METAP1D: variants seen among roughly 807,000 people sequenced by gnomAD.
METAP1D encodes the protein methionine aminopeptidase 1D, mitochondrial.
A neutral mutation model predicts 40.5 loss-of-function variants in METAP1D; 31 were observed. The observed-to-expected ratio is 0.77, with a 90% CI of 0.58 to 1.03. The LOEUF is 1.03. Among genes scored for constraint, METAP1D ranks in the 50% least tolerant of loss-of-function variants. METAP1D has a pLI of 0.00. For synonymous variants in METAP1D, 151 were observed against 146.4 expected, an observed-to-expected ratio of 1.03 and a Z score of -0.22; for missense variants, 411 against 420.7, an observed-to-expected ratio of 0.98 and a Z score of 0.20.
Position 172,080,329 on chromosome 2 carries a change from T to C in METAP1D, c.931T>C (p.Ser311Pro). 6.2e-7 allele frequency: 1 copy of C among 1,614,018 alleles called. No homozygotes were observed. Among genetic ancestry groups the C allele is most frequent in the Non-Finnish European group, 8.5e-7 (1 of 1,179,922 alleles). The change falls in exon 10 of 10, where the codon TCG becomes CCG. Residue 311 changes from serine (S) to proline (P), a missense_variant and splice_region_variant. Ser to Pro is a moderately conservative substitution (Grantham distance 74, BLOSUM62 -1). Transcript: ENST00000315796. ...TGACGGCTGGGTGCTGTGTTACAGG[T>C]CGGCGCAGTTCGAGCACACGGTTCT... is the stretch of plus-strand genomic sequence containing the variant. ...WTVVSLDNQR[S>P]AQFEHTVLIT...
intron 1 of METAP1D, among the ~76,000 whole-genome samples, chr2:172,019,390 A>G (rs1366603287): frequency 6.6e-6 from 1 of 152,110 alleles, no homozygotes; most frequent in Non-Finnish European, 1.5e-5. Context: ...AAATTTTCCA[A>G]CCGCAAAACA....
At position 172,071,024 on chromosome 2, in the gene METAP1D, G is replaced by C. The variant is rs1288283327; in HGVS notation, c.658G>C (p.Ala220Pro). 8 of 1,612,770 alleles carry C rather than the reference G, an allele frequency of 5.0e-6. No homozygotes were observed. Among genetic ancestry groups the C allele is most frequent in the Non-Finnish European group, 6.8e-6 (8 of 1,179,220 alleles). Reference protein sequence around the residue: ...ARRCRDEAIAACRAGAPFSVI... With the variant: ...ARRCRDEAIAPCRAGAPFSVI... Reference sequence around the variant, plus strand: ...GAGGTGTAGAGATGAAGCAATTGCAGCTTGCAGAGCAGGGGCTCCCTTCTC... The same window carrying C: ...GAGGTGTAGAGATGAAGCAATTGCACCTTGCAGAGCAGGGGCTCCCTTCTC... Residue 220 changes from alanine (A) to proline (P), a missense_variant, in exon 6 of 10, where the codon GCT (alanine) becomes CCT (proline). By Grantham distance (27) the Ala-to-Pro change is conservative. Transcript: ENST00000315796.
At chr2:172,038,399 CATT>C (rs1689442765) in intron 1 of METAP1D, among the ~76,000 whole-genome samples, 2 of 151,760 alleles carry the variant, frequency 1.3e-5, no homozygotes, top group African/African-American at 4.8e-5. Context: ...TAGCTTAGAT[CATT>C]GACTACCTGA....
intron 1 of METAP1D, among the ~76,000 whole-genome samples, chr2:172,053,707 TGTC>T (rs1689937558): frequency 6.6e-6 from 1 of 152,192 alleles, no homozygotes; most frequent in South Asian, 2.1e-4. Flanking sequence ...TTTTACAGGG[TGTC>T]TTTTAAATCA....
intron 5 of METAP1D, among the ~76,000 whole-genome samples, chr2:172,067,941 T>C (rs1029735153): frequency 6.6e-6 from 1 of 152,260 alleles, no homozygotes; most frequent in African/African-American, 2.4e-5. Context: ...CCTATGTTTC[T>C]ATCAGAAAAT....
chr2:172,004,662 T>G (rs758742955), intron 1 of METAP1D, among the ~76,000 whole-genome samples: 6 of 152,190 alleles, frequency 3.9e-5, no homozygotes, highest in Non-Finnish European at 8.8e-5. Flanking sequence ...GGGATGCAAT[T>G]CATGGGTGAT....
chr2:172,003,610 G>A (rs1053532520), intron 1 of METAP1D, among the ~76,000 whole-genome samples: 3 of 152,230 alleles, frequency 2.0e-5, no homozygotes, highest in Non-Finnish European at 4.4e-5. Flanking sequence ...CCTGTGAAGA[G>A]GTGCCTTCTG....
At chr2:172,045,811 GTGTGTGTGTA>G (rs1290951479) in intron 1 of METAP1D, among the ~76,000 whole-genome samples, 425 of 51,632 alleles carry the variant, frequency 8.2e-3, no homozygotes, top group Non-Finnish European at 0.012. Flanking sequence ...GTGTGTGTGT[GTGTGTGTGTA>G]TATATATATA....
At chr2:172,004,194 C>T (rs1358437311) in intron 1 of METAP1D, among the ~76,000 whole-genome samples, 1 of 152,164 alleles carries the variant, frequency 6.6e-6, no homozygotes, top group Non-Finnish European at 1.5e-5. Flanking sequence ...AATGTAATAG[C>T]CAGGCAGGGG....
rs183953434 is a variant in METAP1D at position 172,036,103 on chromosome 2, G to A, written c.41-25395G>A. ...GAGGCCAAGGTGGGCGGATCACTAG[G>A]TCAGGAGATCAAGACCATCCTGGCT... On this transcript the variant is annotated intron_variant, in intron 1 of 9. Transcript: ENST00000315796. Among the ~76,000 whole-genome samples the A allele has an allele frequency of 1.3e-3, 191 of 151,988 alleles. 1 individual carries two copies. The highest frequency in any genetic ancestry group is 2.2e-3 in the Non-Finnish European group (151 of 67,956).
At chr2:172,008,025 C>CTTT (rs60404224) in intron 1 of METAP1D, among the ~76,000 whole-genome samples, 4 of 138,046 alleles carry the variant, frequency 2.9e-5, no homozygotes, top group Non-Finnish European at 6.2e-5. Flanking sequence ...TTTACTTTCC[C>CTTT]TTTTTTTTTT....
chr2:172,046,184 C>T (rs1296995142), intron 1 of METAP1D, among the ~76,000 whole-genome samples: 1 of 151,300 alleles, frequency 6.6e-6, no homozygotes, highest in Non-Finnish European at 1.5e-5. Flanking sequence ...GTAACTCTTC[C>T]TTCTCCTTAA....
intron 1 of METAP1D, among the ~76,000 whole-genome samples, chr2:172,033,163 CAT>C (rs1689279029): frequency 1.3e-5 from 2 of 151,338 alleles, no homozygotes; most frequent in African/African-American, 2.4e-5. Context: ...GACAGAGAAA[CAT>C]ATTAATTGAC....
rs764314956 is a variant in METAP1D, at chr2:172,061,514, C to T, written c.57C>T (p.Phe19=). The T allele has an allele frequency of 8.1e-6, 13 of 1,608,712 alleles. No homozygotes were observed. The highest frequency in any genetic ancestry group is 1.1e-5 in the Non-Finnish European group (13 of 1,178,478). ...LLVRRGSHRI[F]SSPLNHIYLH... ...TGCTCACAGGTTCTCATAGAATTTT[C>T]TCTTCACCACTCAATCATATCTACT... The change falls in exon 2 of 10, where the codon TTC becomes TTT. Residue 19 remains phenylalanine, a synonymous_variant. Transcript: ENST00000315796.
intron 1 of METAP1D, among the ~76,000 whole-genome samples, chr2:172,027,104 G>T (rs1236720354): frequency 6.6e-6 from 1 of 152,190 alleles, no homozygotes; most frequent in Non-Finnish European, 1.5e-5. Flanking sequence ...CCTTTATTCA[G>T]CAAACCCACT....
At position 172,025,009 on chromosome 2, in the gene METAP1D, C is replaced by T. The variant is rs565344576; in HGVS notation, c.40+25000C>T. Reference sequence around the variant, plus strand: ...TAATTTATCTCCAAACTTTGATTTTCTCATTTGGAAAGTGAGAATAAAGCC... The same window carrying T: ...TAATTTATCTCCAAACTTTGATTTTTTCATTTGGAAAGTGAGAATAAAGCC... On this transcript the variant is annotated intron_variant, in intron 1 of 9. Transcript: ENST00000315796. 2.6e-5 allele frequency among the ~76,000 whole-genome samples: 4 copies of T among 152,080 alleles called. No individual in the cohort carries two copies. The South Asian group carries it at 6.2e-4, about 24-fold the overall frequency.
chr2:172,015,645 T>C (rs1688836490), intron 1 of METAP1D, among the ~76,000 whole-genome samples: 1 of 152,046 alleles, frequency 6.6e-6, no homozygotes, highest in African/African-American at 2.4e-5. Context: ...TTCTCCACAC[T>C]GCAGTCAAGT....
chr2:172,018,895 G>C (rs1306183715), intron 1 of METAP1D, among the ~76,000 whole-genome samples: 1 of 152,140 alleles, frequency 6.6e-6, no homozygotes, highest in Non-Finnish European at 1.5e-5. Context: ...TAGTTGTAAA[G>C]TCTTCTTAGT....
At chr2:172,053,252 T>A (rs1689927625) in intron 1 of METAP1D, among the ~76,000 whole-genome samples, 1 of 152,226 alleles carries the variant, frequency 6.6e-6, no homozygotes, top group African/African-American at 2.4e-5. Flanking sequence ...CTACTCTGAG[T>A]AATTGGTTGG....
Sources: allele counts gnomAD v4.1 joint callset (sites outside exome capture counted in the v4.1 genomes callset), GRCh38; gene constraint gnomAD v4.1.1; transcripts MANE v1.5; gene names NCBI Gene and HGNC (gene_info 2026-07-23, HGNC 2026-07-21).